Variants in SASH1 observed in about 807,000 individuals in gnomAD.
SASH1 encodes the protein SAM and SH3 domain-containing protein 1.
SASH1 carries 44 observed loss-of-function variants against 125.2 expected under a neutral mutation model. That is an observed-to-expected ratio of 0.35 (90% confidence interval 0.28 to 0.45). The LOEUF (loss-of-function observed/expected upper bound fraction) is 0.45, where lower values mean the gene tolerates loss of function less well. Ranked by LOEUF, SASH1 falls within the 20% of genes least tolerant of loss-of-function variation. The pLI, the probability that SASH1 is intolerant of heterozygous loss-of-function variation, is 1.00. For synonymous variants in SASH1, 639 were observed against 649.1 expected, an observed-to-expected ratio of 0.98 and a Z score of 0.24; for missense variants, 1,426 against 1,614.5, an observed-to-expected ratio of 0.88 and a Z score of 2.00.
chr6:148,420,091 G>T (rs368630449), intron 2 of SASH1, among the ~76,000 whole-genome samples: 1 of 152,104 alleles, frequency 6.6e-6, no homozygotes, highest in Non-Finnish European at 1.5e-5. Flanking sequence ...CAAGTGCCCT[G>T]CAAAGATCTA....
chr6:148,204,503 C>T, the SASH1 span, among the ~76,000 whole-genome samples: 1 of 152,056 alleles, frequency 6.6e-6, no homozygotes. Context: ...ACCAGCCTGG[C>T]CAATGTAGTG....
Position 148,342,952 on chromosome 6 carries a change from G to T in SASH1, c.-116G>T. ...GGGGCCGCCGGGGCATGCAGCGCGG[G>T]GGCGCGGCTCGGTGACGCCGCGGGC... is the stretch of plus-strand genomic sequence containing the variant. On this transcript the variant is annotated 5_prime_UTR_variant, in exon 1 of 20. Transcript: ENST00000367467. The T allele has an allele frequency of 5.4e-6, 5 of 922,104 alleles. No homozygotes were observed. Among genetic ancestry groups the T allele is most frequent in the Non-Finnish European group, 6.5e-6 (5 of 771,694 alleles). The allele number at this position is 922,104 out of a possible 1,614,324, so 57.1% of individuals were successfully genotyped here.
intron 2 of SASH1, among the ~76,000 whole-genome samples, chr6:148,435,855 T>C (rs534451680): frequency 1.2e-4 from 19 of 152,186 alleles, no homozygotes; most frequent in Non-Finnish European, 2.2e-4. Flanking sequence ...AATCATAGGT[T>C]TGAAATGAGA....
At chr6:148,288,210 T>A (rs2128507933) in intron 1 of SASH1, among the ~76,000 whole-genome samples, 1 of 151,802 alleles carries the variant, frequency 6.6e-6, no homozygotes, top group African/African-American at 2.4e-5. Context: ...GAAGAGGGAG[T>A]GTATGTCAAG....
chr6:148,361,038 G>C (rs1444549874), intron 1 of SASH1, among the ~76,000 whole-genome samples: 1 of 152,180 alleles, frequency 6.6e-6, no homozygotes, highest in Non-Finnish European at 1.5e-5. Flanking sequence ...ATGAAGTAAA[G>C]ACACCCACAG....
chr6:148,436,865 A>T (rs941090285), intron 2 of SASH1, among the ~76,000 whole-genome samples: 2 of 152,224 alleles, frequency 1.3e-5, no homozygotes, highest in African/African-American at 4.8e-5. Context: ...GATTTGTTAC[A>T]CGGCAGTAGT....
intron 4 of SASH1, among the ~76,000 whole-genome samples, chr6:148,449,578 G>C (rs145352067): frequency 6.6e-6 from 1 of 151,862 alleles, no homozygotes; most frequent in Non-Finnish European, 1.5e-5. Context: ...GCAGAGACAG[G>C]GTTTCTCCAT....
At chr6:148,219,509 A>C in the SASH1 span, among the ~76,000 whole-genome samples, 1 of 152,092 alleles carries the variant, frequency 6.6e-6, no homozygotes, top group African/African-American at 2.4e-5. Flanking sequence ...GTTTTTCCCT[A>C]GTCCTTTAAC....
Position 148,548,955 on chromosome 6 carries a change from T to A in SASH1, c.*397T>A, listed in dbSNP as rs2115476070. 5.7e-6 allele frequency: 1 copy of A among 175,950 alleles called. No individual in the cohort carries two copies. The highest frequency in any genetic ancestry group is 2.4e-5 in the African/African-American group (1 of 42,208). 10.9% of individuals were successfully genotyped at this position (175,950 alleles called of 1,614,324 possible). ...CTCTTCTGTCTGTCATCTTGCAGGA[T>A]GCCCGAGGGCCAGATGGGCTTAGCT... On this transcript the variant is annotated 3_prime_UTR_variant, in exon 20 of 20. Transcript: ENST00000367467.
chr6:148,279,339 G>A (rs1327060128), intron 1 of SASH1, among the ~76,000 whole-genome samples: 1 of 152,162 alleles, frequency 6.6e-6, no homozygotes, highest in Non-Finnish European at 1.5e-5. Flanking sequence ...TGGCTACTTG[G>A]CAGGGTTATT....
At chr6:148,386,650 A>G (rs1241211880) in intron 1 of SASH1, among the ~76,000 whole-genome samples, 1 of 152,218 alleles carries the variant, frequency 6.6e-6, no homozygotes, top group Non-Finnish European at 1.5e-5. Context: ...GGATGAAGGC[A>G]GAAGTTTCTG....
intron 1 of SASH1, among the ~76,000 whole-genome samples, chr6:148,279,281 G>A (rs562912062): frequency 6.6e-5 from 10 of 152,192 alleles, no homozygotes; most frequent in Admixed American, 3.3e-4. Flanking sequence ...ATGAACCACC[G>A]CACCCAGCCA....
At chr6:148,214,737 G>T in the SASH1 span, among the ~76,000 whole-genome samples, 1 of 152,178 alleles carries the variant, frequency 6.6e-6, no homozygotes, top group Non-Finnish European at 1.5e-5. Flanking sequence ...ATTCGTGCTT[G>T]GATGAGGGAG....
At chr6:148,368,131 C>T (rs1243066037) in intron 1 of SASH1, among the ~76,000 whole-genome samples, 1 of 152,174 alleles carries the variant, frequency 6.6e-6, no homozygotes, top group Non-Finnish European at 1.5e-5. Context: ...TGGAAGGCCT[C>T]AGTAGATGGC....
the SASH1 span, chr6:148,237,626 G>GA: frequency 6.6e-6 from 1 of 152,082 alleles, no homozygotes; most frequent in African/African-American, 2.4e-5. Flanking sequence ...CTAGAGAATT[G>GA]AAAAAACCGC....
chr6:148,339,760 G>T (rs1781269037), upstream of SASH1, among the ~76,000 whole-genome samples: 2 of 152,000 alleles, frequency 1.3e-5, no homozygotes, highest in East Asian at 3.9e-4. Context: ...GGCCAGGCTG[G>T]TCTCGAACTC....
chr6:148,280,100 A>C (rs1040545568), intron 1 of SASH1, among the ~76,000 whole-genome samples: 5 of 135,926 alleles, frequency 3.7e-5, no homozygotes, highest in African/African-American at 1.4e-4. Flanking sequence ...AAGAAAAAAA[A>C]GATTGTGTAT....
rs1449831839 is a variant in SASH1 at position 148,426,190 on chromosome 6, CAACAACAGTGA to C, written c.286-13990_286-13980del. Among the ~76,000 whole-genome samples, 4 of 152,090 alleles carry C rather than the reference CAACAACAGTGA, an allele frequency of 2.6e-5. No individual in the cohort carries two copies. The East Asian group carries it at 7.7e-4, about 29-fold the overall frequency. ...TGCCACTGCACTCTTTTAGCCTGGGCAACAACAGTGAAACTCCATCTCAAAATAAATAAATA... is the reference window on the plus strand; with the variant it reads ...TGCCACTGCACTCTTTTAGCCTGGGCAACTCCATCTCAAAATAAATAAATA... On this transcript the variant is annotated intron_variant, in intron 2 of 19. Transcript: ENST00000367467.
intron 16 of SASH1, among the ~76,000 whole-genome samples, chr6:148,538,704 G>A (rs952305243): frequency 6.6e-6 from 1 of 152,182 alleles, no homozygotes. Flanking sequence ...AGCTGCCAGA[G>A]CCTTCTGCCT....
Sources: gnomAD v4.1 joint callset for allele counts (sites outside exome capture counted in the v4.1 genomes callset) on GRCh38, gnomAD v4.1.1 for gene constraint, MANE v1.5 for transcripts, NCBI Gene and HGNC (gene_info 2026-07-23, HGNC 2026-07-21) for gene names.